The following DNAJC5B variants were observed in gnomAD, a reference collection of about 807,000 sequenced individuals.
The protein encoded by DNAJC5B is DnaJ heat shock protein family (Hsp40) member C5 beta.
DNAJC5B carries 23 observed loss-of-function variants against 24.7 expected under a neutral mutation model. The observed-to-expected ratio is 0.93, with a 90% CI of 0.67 to 1.32. The LOEUF (loss-of-function observed/expected upper bound fraction) is 1.32. Ranked by LOEUF, DNAJC5B falls within the 40% of genes most tolerant of loss-of-function variation. DNAJC5B has a pLI of 0.00. For missense variants in DNAJC5B, 238 were observed against 240.8 expected, an observed-to-expected ratio of 0.99 and a Z score of 0.08; for synonymous variants, 101 against 90.1, an observed-to-expected ratio of 1.12 and a Z score of -0.68.
chr8:66,034,813 T>C lies in DNAJC5B; in HGVS notation c.-141-8675T>C, dbSNP rs557093919. Among the ~76,000 whole-genome samples, 10 of 152,060 alleles carry C rather than the reference T, an allele frequency of 6.6e-5. No individual in the cohort carries two copies. The East Asian group carries it at 1.9e-3, about 29-fold the overall frequency. On this transcript the variant is annotated intron_variant, in intron 1 of 5. Transcript: ENST00000276570. ...GGTGGGGGCAGGTGTCTGGAAGGGC[T>C]GGGAGGAGAAGGCTGATGCTGCTTT...
upstream of DNAJC5B, among the ~76,000 whole-genome samples, chr8:66,020,526 C>A (rs998504829): frequency 6.6e-6 from 1 of 151,758 alleles, no homozygotes; most frequent in African/African-American, 2.4e-5. Flanking sequence ...GACTCTATTT[C>A]TTTACAGATT....
chr8:66,040,566 A>G (rs897307555), intron 1 of DNAJC5B, among the ~76,000 whole-genome samples: 1 of 152,224 alleles, frequency 6.6e-6, no homozygotes, highest in African/African-American at 2.4e-5. Flanking sequence ...GCTGGTCGGC[A>G]GGTGTTTTCC....
chr8:66,052,659 C>CT (rs1214762494), intron 3 of DNAJC5B, among the ~76,000 whole-genome samples: 3 of 152,168 alleles, frequency 2.0e-5, no homozygotes, highest in Non-Finnish European at 2.9e-5. Flanking sequence ...TGCACTGGTG[C>CT]TATAGTATGT....
intron 2 of DNAJC5B, among the ~76,000 whole-genome samples, chr8:66,050,268 A>G (rs973319133): frequency 6.6e-6 from 1 of 152,212 alleles, no homozygotes; most frequent in African/African-American, 2.4e-5. Context: ...CCTGGGTGAC[A>G]GTGACCAAAA....
chr8:66,066,937 G>A (rs1427391237), intron 3 of DNAJC5B, among the ~76,000 whole-genome samples: 1 of 152,176 alleles, frequency 6.6e-6, no homozygotes, highest in Non-Finnish European at 1.5e-5. Flanking sequence ...AGGCTTTTGA[G>A]CTACTGGGTT....
chr8:66,088,346 T>C (rs1252953622), intron 5 of DNAJC5B, among the ~76,000 whole-genome samples: 1 of 152,194 alleles, frequency 6.6e-6, no homozygotes, highest in African/African-American at 2.4e-5. Context: ...TTTTTTCTCC[T>C]AGGCCTCCAG....
intron 3 of DNAJC5B, among the ~76,000 whole-genome samples, chr8:66,052,259 A>G (rs989034095): frequency 6.6e-6 from 1 of 151,882 alleles, no homozygotes; most frequent in Non-Finnish European, 1.5e-5. Flanking sequence ...CGCCCTGCCA[A>G]TCGCTGTCAT....
intron 1 of DNAJC5B, among the ~76,000 whole-genome samples, chr8:66,033,481 A>G (rs1806404994): frequency 6.6e-6 from 1 of 152,146 alleles, no homozygotes; most frequent in African/African-American, 2.4e-5. Flanking sequence ...CATCTCATCC[A>G]TGTAAGCCCT....
intron 1 of DNAJC5B, among the ~76,000 whole-genome samples, chr8:66,032,576 G>T (rs1238457296): frequency 1.3e-5 from 2 of 152,176 alleles, no homozygotes; most frequent in Non-Finnish European, 2.9e-5. Flanking sequence ...TTAAACTGCT[G>T]TCCTCAGAGC....
At chr8:66,054,934 A>G (rs887257350) in intron 3 of DNAJC5B, among the ~76,000 whole-genome samples, 2 of 152,136 alleles carry the variant, frequency 1.3e-5, no homozygotes, top group African/African-American at 4.8e-5. Context: ...AATTTTTGTA[A>G]TATCTACAAA....
chr8:66,073,844 C>T (rs1287443220), intron 3 of DNAJC5B, among the ~76,000 whole-genome samples: 2 of 152,098 alleles, frequency 1.3e-5, no homozygotes, highest in Middle Eastern at 3.2e-3. Flanking sequence ...GGGCCATAGA[C>T]TTCCATATGA....
chr8:66,038,608 G>A (rs866251081), intron 1 of DNAJC5B, among the ~76,000 whole-genome samples: 11 of 152,256 alleles, frequency 7.2e-5, no homozygotes, highest in African/African-American at 2.6e-4. Flanking sequence ...AACTCAAGAA[G>A]TATCCAAAAA....
chr8:66,072,834 A>G (rs1017180267), intron 3 of DNAJC5B, among the ~76,000 whole-genome samples: 6 of 152,240 alleles, frequency 3.9e-5, no homozygotes, highest in Non-Finnish European at 7.3e-5. Flanking sequence ...AGTTTATCCC[A>G]GAAACATAAG....
At chr8:66,087,635 G>A (rs898606600) in intron 5 of DNAJC5B, among the ~76,000 whole-genome samples, 8 of 152,318 alleles carry the variant, frequency 5.3e-5, no homozygotes, top group African/African-American at 1.9e-4. Flanking sequence ...TTGGGTAAAT[G>A]TTCCCATTCC....
chr8:66,061,962 C>T (rs376896961), intron 3 of DNAJC5B, among the ~76,000 whole-genome samples: 47 of 151,834 alleles, frequency 3.1e-4, no homozygotes, highest in African/African-American at 7.0e-4. Flanking sequence ...CCTGTGGGGG[C>T]GCAGCCGAGC....
At chr8:66,032,925 C>T (rs1806390455) in intron 1 of DNAJC5B, among the ~76,000 whole-genome samples, 1 of 152,236 alleles carries the variant, frequency 6.6e-6, no homozygotes, top group South Asian at 2.1e-4. Flanking sequence ...TCTCTGTTTG[C>T]TCTACGGAGT....
intron 5 of DNAJC5B, among the ~76,000 whole-genome samples, chr8:66,089,913 G>T (rs1807809701): frequency 6.6e-6 from 1 of 152,112 alleles, no homozygotes; most frequent in African/African-American, 2.4e-5. Context: ...GCATTCTATT[G>T]TTCTTATGAA....
chr8:66,030,141 G>C (rs1014442324), intron 1 of DNAJC5B, among the ~76,000 whole-genome samples: 1 of 152,170 alleles, frequency 6.6e-6, no homozygotes, highest in African/African-American at 2.4e-5. Context: ...GATTTCAGTT[G>C]AAAGTCTTCA....
upstream of DNAJC5B, among the ~76,000 whole-genome samples, chr8:66,020,592 C>CTG (rs1491523917): frequency 3.7e-5 from 5 of 136,092 alleles, no homozygotes; most frequent in Non-Finnish European, 7.8e-5. Context: ...GTAATCAATA[C>CTG]TCTGTGTGTG....
Sources: allele counts gnomAD v4.1 joint callset (sites outside exome capture counted in the v4.1 genomes callset), GRCh38; gene constraint gnomAD v4.1.1; transcripts MANE v1.5; gene names NCBI Gene and HGNC (gene_info 2026-07-23, HGNC 2026-07-21).